ELOVL5: variants seen among roughly 807,000 people sequenced by gnomAD.
ELOVL5 encodes ELOVL fatty acid elongase 5.
Under a neutral mutation model 38.6 loss-of-function variants are expected in ELOVL5, and 8 were observed. The observed-to-expected ratio is 0.21, with a 90% CI of 0.12 to 0.37. The LOEUF (loss-of-function observed/expected upper bound fraction) is 0.37, where lower values mean the gene tolerates loss of function less well. Among genes scored for constraint, ELOVL5 ranks in the 10% least tolerant of loss-of-function variants. The probability of loss-of-function intolerance (pLI) is 1.00; values close to 1 mark genes in which losing one functional copy is unlikely to be tolerated. For missense variants in ELOVL5, 280 were observed against 367.8 expected, an observed-to-expected ratio of 0.76 and a Z score of 1.95; for synonymous variants, 127 against 133.7, an observed-to-expected ratio of 0.95 and a Z score of 0.34.
At chr6:53,326,235 G>T (rs1768535716) in intron 1 of ELOVL5, among the ~76,000 whole-genome samples, 1 of 152,024 alleles carries the variant, frequency 6.6e-6, no homozygotes, top group Non-Finnish European at 1.5e-5. Flanking sequence ...CTTTCCTGTG[G>T]ACTCCCAGCT....
chr6:53,326,371 C>T (rs759234871), intron 1 of ELOVL5, among the ~76,000 whole-genome samples: 6 of 152,172 alleles, frequency 3.9e-5, no homozygotes, highest in South Asian at 4.1e-4. Flanking sequence ...TCTCTGGATA[C>T]AGCCTACAAT....
chr6:53,272,918 AT>A, intron 6 of ELOVL5, among the ~76,000 whole-genome samples: 1 of 68,328 alleles, frequency 1.5e-5, no homozygotes, highest in Middle Eastern at 9.6e-3. Flanking sequence ...ACACACACAC[AT>A]ATACACACAT....
chr6:53,274,307 G>C (rs758916970), intron 5 of ELOVL5, among the ~76,000 whole-genome samples: 1 of 152,058 alleles, frequency 6.6e-6, no homozygotes, highest in Non-Finnish European at 1.5e-5. Flanking sequence ...CAAACCCAAA[G>C]GATCTGTATT....
In ELOVL5 at chr6:53,283,489, C is replaced by A. The variant is rs530476727; in HGVS notation, c.247-7233G>T. Among the ~76,000 whole-genome samples, 42 of 152,230 alleles carry A rather than the reference C, an allele frequency of 2.8e-4. 1 individual carries two copies. In the South Asian group the frequency reaches 8.3e-3, roughly 30 times the overall value. ...GCTTTTAATAGAATACTTAAAAAGG[C>A]AACACAGCAAATGGTTAAATTTGGA... On this transcript the variant is annotated intron_variant, in intron 3 of 7. Coordinates refer to ENST00000304434, the MANE Select transcript of ELOVL5 (RefSeq NM_021814.5).
At chr6:53,273,023 G>C (rs541453246) in intron 6 of ELOVL5, among the ~76,000 whole-genome samples, 197 bp downstream of exon 6, 1 of 152,206 alleles carries the variant, frequency 6.6e-6, no homozygotes, top group Non-Finnish European at 1.5e-5. Context: ...TCAACTAGCT[G>C]TATGCCCATG....
At chr6:53,342,333 T>G (rs891719927) in intron 1 of ELOVL5, among the ~76,000 whole-genome samples, 1 of 152,224 alleles carries the variant, frequency 6.6e-6, no homozygotes, top group Non-Finnish European at 1.5e-5. Context: ...AGAACTATTC[T>G]TCAGGGAAGG....
At chr6:53,335,274 G>C (rs1481120988) in intron 1 of ELOVL5, among the ~76,000 whole-genome samples, 1 of 152,158 alleles carries the variant, frequency 6.6e-6, no homozygotes, top group East Asian at 1.9e-4. Flanking sequence ...CCAGTCAAAG[G>C]CTCCGGGGAA....
chr6:53,320,512 T>C (rs764929873), intron 1 of ELOVL5, among the ~76,000 whole-genome samples: 25 of 151,912 alleles, frequency 1.6e-4, no homozygotes, highest in Non-Finnish European at 2.6e-4. Flanking sequence ...ATTTTTTGTA[T>C]TTTTAGTAGA....
intron 5 of ELOVL5, among the ~76,000 whole-genome samples, chr6:53,274,762 C>G (rs1385637110): frequency 3.3e-5 from 5 of 152,184 alleles, no homozygotes; most frequent in African/African-American, 1.2e-4. Flanking sequence ...CTATTTTCCT[C>G]ACCTGCCCGT....
intron 1 of ELOVL5, among the ~76,000 whole-genome samples, chr6:53,326,166 C>T (rs551956378): frequency 6.6e-6 from 1 of 152,124 alleles, no homozygotes; most frequent in African/African-American, 2.4e-5. Context: ...TTGAAGCCAT[C>T]GTCTTGAGCA....
chr6:53,311,263 CTT>C (rs1346978916), intron 1 of ELOVL5, among the ~76,000 whole-genome samples: 2 of 152,114 alleles, frequency 1.3e-5, no homozygotes, highest in African/African-American at 4.8e-5. Context: ...CAAAACAGCT[CTT>C]TTTAAAAAAA....
intron 2 of ELOVL5, among the ~76,000 whole-genome samples, 159 bp from the exon 3 acceptor site, chr6:53,292,122 A>C (rs575867497): frequency 6.6e-6 from 1 of 152,224 alleles, no homozygotes; most frequent in Non-Finnish European, 1.5e-5. Flanking sequence ...TTCAATACAT[A>C]TCAAACAAGG....
At chr6:53,329,548 G>C (rs991929340) in intron 1 of ELOVL5, among the ~76,000 whole-genome samples, 1 of 152,086 alleles carries the variant, frequency 6.6e-6, no homozygotes, top group Non-Finnish European at 1.5e-5. Context: ...TGTCGGTCAG[G>C]TGCAGTGGTT....
chr6:53,323,678 G>T (rs564497901), intron 1 of ELOVL5, among the ~76,000 whole-genome samples: 1 of 144,630 alleles, frequency 6.9e-6, no homozygotes, highest in East Asian at 2.1e-4. Context: ...CGCCTCCCGA[G>T]TTCAAGCGAT....
At chr6:53,282,938 C>T (rs1766416057) in intron 3 of ELOVL5, among the ~76,000 whole-genome samples, 1 of 152,148 alleles carries the variant, frequency 6.6e-6, no homozygotes, top group Non-Finnish European at 1.5e-5. Flanking sequence ...ATCAGATGGC[C>T]TTCAAACCCA....
At chr6:53,273,113 A>C (rs1056332844) in intron 6 of ELOVL5, 107 bp downstream of exon 6, 4 of 1,184,630 alleles carry the variant, frequency 3.4e-6, no homozygotes, top group Non-Finnish European at 4.8e-6. Context: ...TCAAATGAAA[A>C]AGGGTGGAGA....
chr6:53,342,871 G>A (rs1400249596), intron 1 of ELOVL5, among the ~76,000 whole-genome samples: 1 of 152,200 alleles, frequency 6.6e-6, no homozygotes, highest in Non-Finnish European at 1.5e-5. Flanking sequence ...GGAGGAGCAA[G>A]AGTGGGAATT....
At chr6:53,319,270 CAAAAAAAAAAAAAAAAAAAAAAAAAAAA>C (rs59435925) in intron 1 of ELOVL5, among the ~76,000 whole-genome samples, 8 of 74,898 alleles carry the variant, frequency 1.1e-4, no homozygotes, top group South Asian at 5.6e-4. Flanking sequence ...GACTCCATCT[CAAAAAAAAAAAAAAAAAAAAAAAAAAAA>C]AAAAAAAAAA....
chr6:53,294,216 GC>G, intron 2 of ELOVL5: 1 of 1,487,914 alleles, frequency 6.7e-7, no homozygotes, highest in African/African-American at 1.4e-5. Context: ...CCGAACTCCA[GC>G]CCCAGGTAGA....
Sources: gnomAD v4.1 joint callset for allele counts (sites outside exome capture counted in the v4.1 genomes callset) on GRCh38, gnomAD v4.1.1 for gene constraint, MANE v1.5 for transcripts, NCBI Gene and HGNC (gene_info 2026-07-23, HGNC 2026-07-21) for gene names.